The following UMODL1 variants were observed in gnomAD, a reference collection of about 807,000 sequenced individuals.
UMODL1 encodes uromodulin-like 1.
A neutral mutation model predicts 136.3 loss-of-function variants in UMODL1; 128 were observed. The observed-to-expected ratio is 0.94, with a 90% CI of 0.81 to 1.09. UMODL1 has a LOEUF of 1.09. UMODL1 is among the 50% of genes least tolerant of loss of function. The pLI, the probability that UMODL1 is intolerant of heterozygous loss-of-function variation, is 0.00. For missense variants in UMODL1, 1,766 were observed against 1,725.6 expected (o/e 1.02, Z -0.41); for synonymous variants, 721 against 720.0 (o/e 1.00, Z -0.02).
In UMODL1 at chr21:42,141,909, C is replaced by T. The variant is rs567721507; in HGVS notation, c.*22-187C>T. On this transcript the variant is annotated intron_variant, in intron 22 of 22. Coordinates refer to ENST00000408910, the MANE Select transcript of UMODL1 (RefSeq NM_001004416.3). ...AGGGCAGGCACAGCCCCATGGTCCC[C>T]GTTCCACTGGGCACTCTGGGAGTGG... 6.6e-5 allele frequency among the ~76,000 whole-genome samples: 10 copies of T among 152,312 alleles called. 1 individual carries two copies. In the South Asian group the frequency reaches 8.3e-4, roughly 13 times the overall value.
At chr21:42,139,938 G>A (rs548492230) in intron 22 of UMODL1, among the ~76,000 whole-genome samples, 9 of 152,132 alleles carry the variant, frequency 5.9e-5, no homozygotes, top group South Asian at 2.1e-4. Context: ...AGCGGGTGGC[G>A]TTTTCTTTGA....
rs1318210934 is a variant in UMODL1, at chr21:42,084,143, G to GA, written c.381dup (p.Pro128ThrfsTer16). On this transcript the variant is annotated frameshift_variant, in exon 3 of 23. Coordinates refer to ENST00000408910, the MANE Select transcript of UMODL1 (RefSeq NM_001004416.3). LOFTEE classifies it high-confidence loss of function. Reference sequence around the variant, plus strand: ...TGGGGCCTGCCCCGCAGAGGGGCCTGAACCATCCACCTCCCCCTGCAGCTT... The same window carrying GA: ...TGGGGCCTGCCCCGCAGAGGGGCCTGAAACCATCCACCTCCCCCTGCAGCTT... 1 of 1,614,174 alleles carries GA rather than the reference G, an allele frequency of 6.2e-7. No homozygotes were observed.
chr21:42,072,624 A>G (rs1383335248), intron 1 of UMODL1, among the ~76,000 whole-genome samples: 2 of 152,202 alleles, frequency 1.3e-5, no homozygotes, highest in African/African-American at 4.8e-5. Context: ...CACTGCCTTC[A>G]CAGGCATGAC....
At chr21:42,075,669 CTGTGCTCTCTCCTTCG>C (rs1041060487) in intron 1 of UMODL1, among the ~76,000 whole-genome samples, 26 of 152,260 alleles carry the variant, frequency 1.7e-4, no homozygotes, top group Non-Finnish European at 2.9e-4. Flanking sequence ...GATTCCAGCG[CTGTGCTCTCTCCTTCG>C]TATATGGACC....
chr21:42,109,650 C>T lies in UMODL1; in HGVS notation c.1608C>T (p.Cys536=), dbSNP rs765349578. 2.1e-5 allele frequency: 33 copies of T among 1,609,196 alleles called. No individual in the cohort carries two copies. In the South Asian group the frequency reaches 3.4e-4, roughly 17 times the overall value. The change falls in exon 10 of 23, where the codon TGC becomes TGT. Residue 536 remains cysteine, a synonymous_variant. Transcript: ENST00000408910. ...TGGAGGGCTCCTACACCTGCCAGTG[C>T]CGTACCACCAGGGACGCCACCCCCT... is the stretch of plus-strand genomic sequence containing the variant. The part of the protein sequence containing the change: ...INLEGSYTCQ[C]RTTRDATPSR...
rs1400209721 is a variant in UMODL1, at chr21:42,123,773, G to A, written c.3147+623G>A. On this transcript the variant is annotated intron_variant, in intron 17 of 22. Transcript: ENST00000408910. The surrounding 1 kb of genome is among the most constrained non-coding windows in gnomAD (Gnocchi z 4.4). ...GCGTGAGTTGAGCATGTGTGGATGC[G>A]TTTGTCCATGTGTGAGTGTGTATGT... Among the ~76,000 whole-genome samples the A allele has an allele frequency of 2.0e-5, 3 of 152,010 alleles. No individual in the cohort carries two copies. The highest frequency in any genetic ancestry group is 2.4e-5 in the African/African-American group (1 of 41,320).
At chr21:42,119,474 A>G in intron 15 of UMODL1, 150 bp downstream of exon 15, 1 of 693,170 alleles carries the variant, frequency 1.4e-6, no homozygotes, top group Non-Finnish European at 2.5e-6. Context: ...AATAGATAGG[A>G]CCCTGTCTGT....
chr21:42,076,686 C>T (rs2066295704), intron 2 of UMODL1, among the ~76,000 whole-genome samples: 1 of 152,196 alleles, frequency 6.6e-6, no homozygotes, highest in Non-Finnish European at 1.5e-5. Flanking sequence ...TGAGAGCCAG[C>T]ACTGAACTCT....
Position 42,099,045 on chromosome 21 carries a change from G to A in UMODL1, c.1051G>A (p.Glu351Lys), listed in dbSNP as rs1176186552. 6.2e-7 allele frequency: 1 copy of A among 1,614,214 alleles called. No homozygotes were observed. Among genetic ancestry groups the A allele is most frequent in the African/African-American group, 1.3e-5 (1 of 75,046 alleles). Residue 351 changes from glutamate to lysine, a missense_variant, in exon 7 of 23, where the codon GAG becomes AAG. Physicochemically the swap from Glu to Lys is moderately conservative, Grantham distance 56. Transcript: ENST00000408910. This position sits in a 1 kb window ranked among gnomAD's most constrained non-coding sequence, Gnocchi z 4.1. ...CCATGTCCGGGTTTACCGGGGTATG[G>A]AGTTGCTCAGGAGCGCCAGGACACA... ...TFHVRVYRGMELLRSARTQSQ... is the reference protein window; with the variant it reads ...TFHVRVYRGMKLLRSARTQSQ...
chr21:42,106,113 A>G (rs1269430855), intron 9 of UMODL1, among the ~76,000 whole-genome samples: 1 of 151,780 alleles, frequency 6.6e-6, no homozygotes, highest in Non-Finnish European at 1.5e-5. Context: ...CAGGCCGTGC[A>G]TGGCCGGGGA....
At chr21:42,134,971 G>A (rs34265848) in intron 21 of UMODL1, among the ~76,000 whole-genome samples, 19,751 of 152,088 alleles carry the variant, frequency 0.13, 1,427 homozygotes, top group African/African-American at 0.18. Flanking sequence ...AGAACGTGCA[G>A]GTTGTTACAT....
At chr21:42,065,931 A>G (rs1001094942) in intron 1 of UMODL1, among the ~76,000 whole-genome samples, 2 of 152,220 alleles carry the variant, frequency 1.3e-5, no homozygotes, top group African/African-American at 4.8e-5. Flanking sequence ...CTCCGCAGCC[A>G]GGTCCCAGGA....
At chr21:42,106,601 T>C (rs983340370) in intron 9 of UMODL1, among the ~76,000 whole-genome samples, 1 of 152,154 alleles carries the variant, frequency 6.6e-6, no homozygotes, top group Admixed American at 6.5e-5. Context: ...GTGGGCTGTG[T>C]AGGTGGCCAT....
intron 1 of UMODL1, among the ~76,000 whole-genome samples, chr21:42,075,334 C>T (rs1444832396): frequency 1.3e-5 from 2 of 152,150 alleles, no homozygotes; most frequent in East Asian, 1.9e-4. Flanking sequence ...GCTGGGATTA[C>T]AGGTGTGAGC....
Position 42,098,915 on chromosome 21 carries a change from T to C in UMODL1, c.932-11T>C. The C allele has an allele frequency of 1.9e-6, 3 of 1,613,600 alleles. No individual in the cohort carries two copies. Among genetic ancestry groups the C allele is most frequent in the Non-Finnish European group, 2.5e-6 (3 of 1,179,556 alleles). On this transcript the variant is annotated splice_polypyrimidine_tract_variant and intron_variant, in intron 6 of 22. Coordinates refer to ENST00000408910, the MANE Select transcript of UMODL1 (RefSeq NM_001004416.3). ...ACCCTTTGCTCATCTTCTCTGTCTG[T>C]GCTTTCGTAGATTGTCCTCCAGTCA...
At chr21:42,129,669 G>C in intron 20 of UMODL1, 44 bp from the exon 21 acceptor site, 1 of 1,503,928 alleles carries the variant, frequency 6.6e-7, no homozygotes, top group Non-Finnish European at 9.0e-7. Flanking sequence ...CATAAATGTT[G>C]TTCAATTAAT....
chr21:42,123,446 G>A lies in UMODL1; in HGVS notation c.3147+296G>A, dbSNP rs1295470250. Among the ~76,000 whole-genome samples the A allele has an allele frequency of 6.6e-6, 1 of 152,162 alleles. No individual in the cohort carries two copies. The highest frequency in any genetic ancestry group is 2.4e-5 in the African/African-American group (1 of 41,430). On this transcript the variant is annotated intron_variant, in intron 17 of 22. Transcript: ENST00000408910. The surrounding 1 kb of genome is among the most constrained non-coding windows in gnomAD (Gnocchi z 4.4). ...GATGAGAGGCAGTGGGACAGGAAGA[G>A]GCAGGAAAGCCAAGGAGTCCTGTGT...
chr21:42,099,090 G>C lies in UMODL1; in HGVS notation c.1096G>C (p.Ala366Pro), dbSNP rs769846746. The C allele has an allele frequency of 8.7e-6, 14 of 1,614,066 alleles. No individual in the cohort carries two copies. The Admixed American group carries it at 2.3e-4, about 27-fold the overall frequency. Residue 366 changes from alanine to proline, a missense_variant, in exon 7 of 23, where the codon GCT becomes CCT. Physicochemically the swap from Ala to Pro is conservative, Grantham distance 27. Coordinates refer to ENST00000408910, the MANE Select transcript of UMODL1 (RefSeq NM_001004416.3). The surrounding 1 kb of genome is among the most constrained non-coding windows in gnomAD (Gnocchi z 4.1). ...ARTQSQALAV[A>P]GLEAGVLYRV... ...GACACAGAGCCAGGCACTGGCAGTG[G>C]CTGGGCTGGAGGCTGGAGTGCTGTA...
At chr21:42,097,468 C>T (rs2066572094) in intron 6 of UMODL1, among the ~76,000 whole-genome samples, 1 of 152,160 alleles carries the variant, frequency 6.6e-6, no homozygotes, top group Non-Finnish European at 1.5e-5. Flanking sequence ...TTCTGAGCCT[C>T]TCAGCAGCCA....
Sources: allele counts gnomAD v4.1 joint callset (sites outside exome capture counted in the v4.1 genomes callset), GRCh38; gene constraint gnomAD v4.1.1; non-coding constraint Gnocchi (gnomAD v3.1); transcripts MANE v1.5; gene names NCBI Gene and HGNC (gene_info 2026-07-23, HGNC 2026-07-21).